Variants in FSHR observed in about 807,000 individuals in gnomAD.
FSHR encodes the protein follicle-stimulating hormone receptor.
FSHR carries 46 observed loss-of-function variants against 52.1 expected under a neutral mutation model. The observed-to-expected ratio is 0.88, with a 90% confidence interval of 0.70 to 1.13. FSHR has a LOEUF of 1.13. Ranked by LOEUF, FSHR falls within the 50% of genes most tolerant of loss-of-function variation. FSHR has a pLI of 0.00. For synonymous variants in FSHR, 399 were observed against 309.6 expected (o/e 1.29, Z -3.03); for missense variants, 964 against 834.6 (o/e 1.16, Z -1.91).
At chr2:49,126,512 T>C (rs930228016) in intron 1 of FSHR, among the ~76,000 whole-genome samples, 2 of 152,094 alleles carry the variant, frequency 1.3e-5, no homozygotes, top group African/African-American at 4.8e-5. Flanking sequence ...TTCCAACACA[T>C]AAACTTTGGG....
chr2:49,141,460 G>A (rs1442494148), intron 1 of FSHR, among the ~76,000 whole-genome samples: 5 of 151,586 alleles, frequency 3.3e-5, no homozygotes, highest in African/African-American at 9.7e-5. Context: ...CAAGGTAGTG[G>A]GGAGATACCA....
chr2:49,015,391 G>A (rs538017914), intron 4 of FSHR, among the ~76,000 whole-genome samples: 2 of 152,282 alleles, frequency 1.3e-5, no homozygotes, highest in South Asian at 2.1e-4. Context: ...GGTAGACCTT[G>A]AGTATTTGAC....
intron 2 of FSHR, among the ~76,000 whole-genome samples, chr2:49,056,023 A>G (rs915664109): frequency 6.6e-6 from 1 of 152,116 alleles, no homozygotes; most frequent in Non-Finnish European, 1.5e-5. Flanking sequence ...AATCAAGCCT[A>G]TCACTACAGA....
chr2:49,084,481 G>T (rs1670299857), intron 1 of FSHR, among the ~76,000 whole-genome samples: 1 of 152,054 alleles, frequency 6.6e-6, no homozygotes, highest in Non-Finnish European at 1.5e-5. Context: ...CAGAAGGCAA[G>T]AAATAACTAA....
chr2:49,136,165 C>A (rs1672481115), intron 1 of FSHR, among the ~76,000 whole-genome samples: 1 of 151,714 alleles, frequency 6.6e-6, no homozygotes, highest in South Asian at 2.1e-4. Context: ...TTAGTAGAAT[C>A]AGAAATGCAA....
At chr2:49,145,293 A>G (rs182644724) in intron 1 of FSHR, among the ~76,000 whole-genome samples, 11 of 152,214 alleles carry the variant, frequency 7.2e-5, no homozygotes, top group Admixed American at 7.2e-4. Flanking sequence ...TCAAACTTAA[A>G]TATTTGGACA....
chr2:48,983,120 T>G lies in FSHR; in HGVS notation c.571A>C (p.Asn191His). ...TACAGCTCATCTAGTTGGGTTCCAT[T>G]GAATGCACAGTTGTGTATTTCTTGA... ...GIQEIHNCAF[N>H]GTQLDELNLS... The change falls in exon 7 of 10, where the codon AAT (asparagine) becomes CAT (histidine). Residue 191 changes from asparagine to histidine, a missense_variant. Asn to His is a moderately conservative substitution (Grantham distance 68). Coordinates refer to ENST00000406846, the MANE Select transcript of FSHR (RefSeq NM_000145.4). 1 of 1,614,146 alleles carries G rather than the reference T, an allele frequency of 6.2e-7. No homozygotes were observed. Among genetic ancestry groups the G allele is most frequent in the Non-Finnish European group, 8.5e-7 (1 of 1,180,006 alleles).
intron 2 of FSHR, among the ~76,000 whole-genome samples, chr2:49,033,176 C>A (rs1044430491): frequency 6.6e-6 from 1 of 152,150 alleles, no homozygotes; most frequent in Non-Finnish European, 1.5e-5. Flanking sequence ...TATGATTAGA[C>A]AAGGTCAGTG....
chr2:49,095,798 G>C (rs1670804566), intron 1 of FSHR, among the ~76,000 whole-genome samples: 1 of 152,060 alleles, frequency 6.6e-6, no homozygotes, highest in Non-Finnish European at 1.5e-5. Flanking sequence ...TTTTAAAATG[G>C]GTGAAGATTT....
chr2:49,110,723 A>T (rs370078981), intron 1 of FSHR, among the ~76,000 whole-genome samples: 4 of 152,116 alleles, frequency 2.6e-5, no homozygotes, highest in Admixed American at 1.3e-4. Context: ...GCAAGCTGCA[A>T]TTCCTCCCAT....
chr2:49,074,584 A>C (rs1300450044), intron 1 of FSHR, among the ~76,000 whole-genome samples: 2 of 152,168 alleles, frequency 1.3e-5, no homozygotes, highest in Non-Finnish European at 2.9e-5. Context: ...AAACTAGTAC[A>C]GACACTATAA....
chr2:49,017,697 T>C, intron 3 of FSHR, 134 bp from the exon 4 acceptor site: 2 of 721,676 alleles, frequency 2.8e-6, no homozygotes, highest in Non-Finnish European at 5.0e-6. Context: ...CATCCATCCA[T>C]CCATCCATCA....
intron 1 of FSHR, among the ~76,000 whole-genome samples, chr2:49,139,599 T>A (rs200567746): frequency 2.9e-5 from 1 of 34,082 alleles, no homozygotes; most frequent in Non-Finnish European, 5.1e-5. Context: ...CTTCCAAGAA[T>A]TTTTTTTTTT....
intron 8 of FSHR, among the ~76,000 whole-genome samples, chr2:48,978,987 T>C (rs1045605550): frequency 2.6e-5 from 4 of 152,140 alleles, no homozygotes; most frequent in Non-Finnish European, 5.9e-5. Flanking sequence ...ATTTGGCTTG[T>C]GGAGGAGATA....
At chr2:49,138,640 C>T (rs1035448338) in intron 1 of FSHR, among the ~76,000 whole-genome samples, 1 of 152,034 alleles carries the variant, frequency 6.6e-6, no homozygotes, top group Non-Finnish European at 1.5e-5. Context: ...TAAGAAAGTC[C>T]AGAATAGAGA....
chr2:48,973,266 A>ACACGCACACG (rs1559082523), intron 8 of FSHR, among the ~76,000 whole-genome samples: 2 of 151,132 alleles, frequency 1.3e-5, no homozygotes, highest in Middle Eastern at 6.8e-3. Flanking sequence ...ACACACACAC[A>ACACGCACACG]CACATGCACA....
intron 1 of FSHR, among the ~76,000 whole-genome samples, chr2:49,080,166 A>G (rs1420886988): frequency 6.6e-6 from 1 of 152,208 alleles, no homozygotes; most frequent in African/African-American, 2.4e-5. Context: ...ATTCACCATT[A>G]TATTGGTGAA....
At chr2:49,072,644 C>T (rs1176917427) in intron 1 of FSHR, among the ~76,000 whole-genome samples, 3 of 152,102 alleles carry the variant, frequency 2.0e-5, no homozygotes, top group African/African-American at 7.2e-5. Context: ...CTAAGGTAGA[C>T]ATTATAATTT....
At chr2:49,098,941 C>A (rs868268857) in intron 1 of FSHR, among the ~76,000 whole-genome samples, 18 of 149,584 alleles carry the variant, frequency 1.2e-4, no homozygotes, top group African/African-American at 4.2e-4. Flanking sequence ...CACACAAACA[C>A]ACACACACAC....
Sources: allele counts gnomAD v4.1 joint callset (sites outside exome capture counted in the v4.1 genomes callset), GRCh38; gene constraint gnomAD v4.1.1; transcripts MANE v1.5; gene names NCBI Gene and HGNC (gene_info 2026-07-23, HGNC 2026-07-21).